The following CLHC1 variants were observed in gnomAD, a reference collection of about 807,000 sequenced individuals.
CLHC1 encodes clathrin heavy chain linker domain containing 1.
A neutral mutation model predicts 69.5 loss-of-function variants in CLHC1; 72 were observed. The ratio of observed to expected loss-of-function variants is 1.04; its 90% CI spans 0.86 to 1.26. CLHC1 has a LOEUF of 1.26. CLHC1 is among the 50% of genes most tolerant of loss of function. The pLI is 0.00. For missense variants in CLHC1, 790 were observed against 679.3 expected (o/e 1.16, Z -1.81); for synonymous variants, 223 against 224.3 (o/e 0.99, Z 0.05).
At chr2:55,182,037 T>G (rs1014940636) in intron 9 of CLHC1, among the ~76,000 whole-genome samples, 7 of 152,010 alleles carry the variant, frequency 4.6e-5, no homozygotes, top group Admixed American at 4.6e-4. Flanking sequence ...GGAATCTCCC[T>G]TAGAGCCTCC....
intron 2 of CLHC1, chr2:55,224,244 C>G (rs1674472552): frequency 6.1e-6 from 2 of 327,418 alleles, no homozygotes; most frequent in South Asian, 4.9e-5. Flanking sequence ...CAGGGGCCAG[C>G]TGATAATGTA....
chr2:55,175,584 A>G lies in CLHC1; in HGVS notation c.*206T>C, dbSNP rs1669311043. On this transcript the variant is annotated 3_prime_UTR_variant, in exon 13 of 13. Transcript: ENST00000401408. ...ATCTTGGATTTTATCAAGATTCAAT[A>G]TAAGAAATGACCATATGGGGAAAAG... The G allele has an allele frequency of 3.9e-6, 2 of 515,280 alleles. No homozygotes were observed. The highest frequency in any genetic ancestry group is 3.0e-5 in the East Asian group (1 of 33,710). 31.9% of individuals were successfully genotyped at this position (515,280 alleles called of 1,614,324 possible).
intron 9 of CLHC1, among the ~76,000 whole-genome samples, chr2:55,184,886 C>G (rs1422563950): frequency 6.8e-6 from 1 of 147,990 alleles, no homozygotes; most frequent in Admixed American, 6.8e-5. Context: ...GCCTGGGTGA[C>G]AGACTGAGAC....
intron 5 of CLHC1, among the ~76,000 whole-genome samples, chr2:55,210,612 G>A (rs1672899729): frequency 6.6e-6 from 1 of 152,098 alleles, no homozygotes; most frequent in Non-Finnish European, 1.5e-5. Flanking sequence ...CTGAAGACCC[G>A]TAAATATCAC....
rs1257104734 is a variant in CLHC1, at chr2:55,180,643, G to A, written c.1251C>T (p.Ala417=). 1 of 1,613,930 alleles carries A rather than the reference G, an allele frequency of 6.2e-7. No homozygotes were observed. The highest frequency in any genetic ancestry group is 8.5e-7 in the Non-Finnish European group (1 of 1,179,884). The change falls in exon 11 of 13, where the codon GCC becomes GCT. Residue 417 remains alanine (A), a synonymous_variant. Coordinates refer to ENST00000401408, the MANE Select transcript of CLHC1 (RefSeq NM_152385.4). ...DYGEQDTYNK[A]KCLALAQIVY... Reference sequence around the variant, plus strand: ...CAATCTGAGCTAAAGCCAGGCACTTGGCCTTGTTATAAGTATCCTGCTCCC... The same window carrying A: ...CAATCTGAGCTAAAGCCAGGCACTTAGCCTTGTTATAAGTATCCTGCTCCC...
intron 3 of CLHC1, among the ~76,000 whole-genome samples, chr2:55,221,119 A>G (rs1207813136): frequency 2.0e-5 from 3 of 152,176 alleles, no homozygotes; most frequent in Admixed American, 6.5e-5. Context: ...ATAGTGTGTA[A>G]TGTTTAAAAA....
intron 9 of CLHC1, among the ~76,000 whole-genome samples, chr2:55,189,646 T>C (rs202046649): frequency 4.6e-5 from 7 of 152,124 alleles, no homozygotes; most frequent in South Asian, 2.1e-4. Flanking sequence ...ATAAAGATCA[T>C]AGGGCAGAGT....
rs1342114342 is a variant in CLHC1 at position 55,212,691 on chromosome 2, G to T, written c.481C>A (p.Pro161Thr). The T allele has an allele frequency of 6.9e-6, 11 of 1,597,602 alleles. No homozygotes were observed. Among genetic ancestry groups the T allele is most frequent in the Non-Finnish European group, 9.4e-6 (11 of 1,165,474 alleles). The change falls in exon 5 of 13, where the codon CCT (proline) becomes ACT (threonine). Residue 161 changes from proline to threonine, a missense_variant. Physicochemically the swap from Pro to Thr is conservative, Grantham distance 38. Transcript: ENST00000401408. ...EVKYCTFSKDPSKPIPGMTLQ... is the reference protein window; with the variant it reads ...EVKYCTFSKDTSKPIPGMTLQ... Reference sequence around the variant, plus strand: ...ACAATACCTGGAATAGGTTTTGAAGGATCTTTGGAGAAAGTACAATATTTT... The same window carrying T: ...ACAATACCTGGAATAGGTTTTGAAGTATCTTTGGAGAAAGTACAATATTTT...
chr2:55,175,908 T>C lies in CLHC1; in HGVS notation c.1643A>G (p.Gln548Arg). ...KWQEVANICS[Q>R]NGFDKLSNDI... is the part of the protein sequence containing the mutation. ...ATTAGATAATTTGTCAAAGCCATTC[T>C]GTGAACATATATTTGCCACTTCTTG... Residue 548 changes from glutamine (Q) to arginine (R), a missense_variant, in exon 13 of 13, where the codon CAG becomes CGG. Physicochemically the swap from Gln to Arg is conservative, Grantham distance 43. Coordinates refer to ENST00000401408, the MANE Select transcript of CLHC1 (RefSeq NM_152385.4). 1.2e-6 allele frequency: 2 copies of C among 1,614,068 alleles called. No individual in the cohort carries two copies. The highest frequency in any genetic ancestry group is 1.7e-6 in the Non-Finnish European group (2 of 1,179,922).
intron 3 of CLHC1, among the ~76,000 whole-genome samples, chr2:55,220,303 G>C (rs1381891309): frequency 6.6e-6 from 1 of 152,124 alleles, no homozygotes; most frequent in Non-Finnish European, 1.5e-5. Context: ...AAGAGGGTAG[G>C]AAGAGCAAAG....
At chr2:55,183,837 A>G (rs1055262953) in intron 9 of CLHC1, among the ~76,000 whole-genome samples, 3 of 151,568 alleles carry the variant, frequency 2.0e-5, no homozygotes, top group East Asian at 3.9e-4. Flanking sequence ...CTGGAGTGCA[A>G]TGGTGCGATC....
intron 4 of CLHC1, among the ~76,000 whole-genome samples, chr2:55,214,222 AG>A (rs1673274662): frequency 6.6e-6 from 1 of 152,212 alleles, no homozygotes; most frequent in African/African-American, 2.4e-5. Flanking sequence ...ATTAAAAACA[AG>A]TTTGGGCTGG....
At chr2:55,201,157 T>G (rs1374040695) in intron 9 of CLHC1, among the ~76,000 whole-genome samples, 1 of 151,480 alleles carries the variant, frequency 6.6e-6, no homozygotes, top group African/African-American at 2.4e-5. Flanking sequence ...ACCCAAAGTT[T>G]TTAGATGAAA....
intron 3 of CLHC1, among the ~76,000 whole-genome samples, chr2:55,218,887 T>G (rs1313053157): frequency 6.6e-6 from 1 of 152,202 alleles, no homozygotes; most frequent in Non-Finnish European, 1.5e-5. Context: ...AATTATGCTT[T>G]CTATTCCTGC....
chr2:55,186,988 C>G (rs955071832), intron 9 of CLHC1, among the ~76,000 whole-genome samples: 5 of 151,862 alleles, frequency 3.3e-5, no homozygotes, highest in Admixed American at 6.6e-5. Flanking sequence ...AAAATAAGGC[C>G]AGGCGCGGTG....
At chr2:55,188,131 T>C (rs1042989459) in intron 9 of CLHC1, among the ~76,000 whole-genome samples, 3 of 152,010 alleles carry the variant, frequency 2.0e-5, no homozygotes, top group African/African-American at 7.3e-5. Context: ...CTGGGCAACA[T>C]AGCAAGTCTC....
intron 5 of CLHC1, 27 bp downstream of exon 5, chr2:55,212,646 T>C: frequency 6.4e-7 from 1 of 1,555,732 alleles, no homozygotes; most frequent in Non-Finnish European, 8.8e-7. Flanking sequence ...AGGATTTCTC[T>C]CAAATATTTT....
Position 55,175,676 on chromosome 2 carries a change from C to T in CLHC1, c.*114G>A. 1.5e-6 allele frequency: 1 copy of T among 652,298 alleles called. No homozygotes were observed. The highest frequency in any genetic ancestry group is 2.6e-6 in the Non-Finnish European group (1 of 385,868). The allele number at this position is 652,298 out of a possible 1,614,324, so 40.4% of individuals were successfully genotyped here. On this transcript the variant is annotated 3_prime_UTR_variant, in exon 13 of 13. Coordinates refer to ENST00000401408, the MANE Select transcript of CLHC1 (RefSeq NM_152385.4). ...ATCATAACAAAAGTGTGATTTATTT[C>T]TGAGATCTTCTTACTCTAGATTTAT... is the stretch of plus-strand genomic sequence containing the variant.
rs751820485 is a variant in CLHC1 at position 55,175,974 on chromosome 2, C to G, written c.1577G>C (p.Ser526Thr). Residue 526 changes from serine (S) to threonine (T), a missense_variant, in exon 13 of 13, where the codon AGT (serine) becomes ACT (threonine). Coordinates refer to ENST00000401408, the MANE Select transcript of CLHC1 (RefSeq NM_152385.4). ...GCAAAAGGAATCATTTATCATAAGA[C>G]TTTCTACTGCATCTGTGGGGAAAAA... ...INKGGIDAVE[S>T]LMINDSFCSI... 6.2e-7 allele frequency: 1 copy of G among 1,613,192 alleles called. No individual in the cohort carries two copies. Among genetic ancestry groups the G allele is most frequent in the Admixed American group, 1.7e-5 (1 of 59,976 alleles).
Sources: allele counts gnomAD v4.1 joint callset (sites outside exome capture counted in the v4.1 genomes callset), GRCh38; gene constraint gnomAD v4.1.1; transcripts MANE v1.5; gene names NCBI Gene and HGNC (gene_info 2026-07-23, HGNC 2026-07-21).